Variants in DUSP12 observed in about 807,000 individuals in gnomAD.
DUSP12 encodes dual specificity protein phosphatase 12.
Under a neutral mutation model 38.9 loss-of-function variants are expected in DUSP12, and 25 were observed. The ratio of observed to expected loss-of-function variants is 0.64; its 90% CI spans 0.47 to 0.90. The LOEUF is 0.90. Among genes scored for constraint, DUSP12 ranks in the 40% least tolerant of loss-of-function variants. DUSP12 has a pLI of 0.00. For missense variants in DUSP12, 403 were observed against 427.0 expected, an observed-to-expected ratio of 0.94 and a Z score of 0.50; for synonymous variants, 153 against 153.9, an observed-to-expected ratio of 0.99 and a Z score of 0.05.
At position 161,749,873 on chromosome 1, in the gene DUSP12, C is replaced by T. The variant is rs1217501793; in HGVS notation, c.72C>T (p.Ala24=). ...SNPSASRVSC[A]GQMLEVQPGL... is the part of the protein sequence containing the mutation. ...CCAGCGCCAGCAGAGTCAGCTGTGC[C>T]GGGCAGATGCTGGAAGTGCAGCCAG... Residue 24 remains alanine, a synonymous_variant, in exon 1 of 6, where the codon GCC becomes GCT. Coordinates refer to ENST00000367943, the MANE Select transcript of DUSP12 (RefSeq NM_007240.3). 4 of 1,611,090 alleles carry T rather than the reference C, an allele frequency of 2.5e-6. No individual in the cohort carries two copies. The highest frequency in any genetic ancestry group is 2.2e-5 in the East Asian group (1 of 44,750).
rs540206625 is a variant in DUSP12 at position 161,752,483 on chromosome 1, T to G, written c.674+19T>G. The G allele has an allele frequency of 6.9e-7, 1 of 1,458,586 alleles. No individual in the cohort carries two copies. Among genetic ancestry groups the G allele is most frequent in the East Asian group, 2.3e-5 (1 of 43,918 alleles). The allele number at this position is 1,458,586 out of a possible 1,614,324, so 90.4% of individuals were successfully genotyped here. On this transcript the variant is annotated intron_variant, in intron 4 of 5. Transcript: ENST00000367943. ...AGTGCAGGTAAACTATTTTATATCC[T>G]TTGGATATTTTATCTTGTCTCAGTA...
At chr1:161,752,613 A>T in intron 4 of DUSP12, 149 bp downstream of exon 4, 1 of 599,370 alleles carries the variant, frequency 1.7e-6, no homozygotes, top group South Asian at 2.4e-5. Context: ...ATAAATTCTT[A>T]AAAAGAGAAA....
intron 4 of DUSP12, 103 bp downstream of exon 4, chr1:161,752,567 T>G: frequency 1.2e-6 from 1 of 800,618 alleles, no homozygotes; most frequent in Non-Finnish European, 2.0e-6. Flanking sequence ...TTTGTTTAAT[T>G]GAAATTTTTA....
At position 161,757,046 on chromosome 1, in the gene DUSP12, T is replaced by A; in HGVS notation, c.*99T>A. On this transcript the variant is annotated 3_prime_UTR_variant, in exon 6 of 6. Transcript: ENST00000367943. ...GATTGTTTGTGCTTTCAACATTTCA[T>A]TTGAAATGGGAGAAGATAAAATCAC... The A allele has an allele frequency of 2.6e-6, 3 of 1,166,156 alleles. No homozygotes were observed. The highest frequency in any genetic ancestry group is 2.4e-6 in the Non-Finnish European group (2 of 842,024). 72.2% of individuals were successfully genotyped at this position (1,166,156 alleles called of 1,614,324 possible). A position where few individuals can be genotyped will look rare whatever the true frequency, so the allele number is the denominator to read the frequency against.
At position 161,749,796 on chromosome 1, in the gene DUSP12, G is replaced by A. The variant is rs761009700; in HGVS notation, c.-6G>A. Reference sequence around the variant, plus strand: ...GCAGGAAGCCGCCTTGTCTCTGGGCGCGGCCATGTTGGAGGCTCCGGGCCC... The same window carrying A: ...GCAGGAAGCCGCCTTGTCTCTGGGCACGGCCATGTTGGAGGCTCCGGGCCC... On this transcript the variant is annotated 5_prime_UTR_variant, in exon 1 of 6. Transcript: ENST00000367943. 1.3e-6 allele frequency: 2 copies of A among 1,563,784 alleles called. No individual in the cohort carries two copies. Among genetic ancestry groups the A allele is most frequent in the Non-Finnish European group, 1.7e-6 (2 of 1,156,166 alleles).
At position 161,753,665 on chromosome 1, in the gene DUSP12, G is replaced by C. The variant is rs188848887; in HGVS notation, c.861+404G>C. On this transcript the variant is annotated intron_variant, in intron 5 of 5. Transcript: ENST00000367943. ...ACTTGAGCCCAGGGTTTCGAGACCAGCTTGGGCAATATAGTGAGACCTCAT... is the reference window on the plus strand; with the variant it reads ...ACTTGAGCCCAGGGTTTCGAGACCACCTTGGGCAATATAGTGAGACCTCAT... Among the ~76,000 whole-genome samples the C allele has an allele frequency of 1.3e-3, 192 of 151,838 alleles. 1 individual carries two copies. Among genetic ancestry groups the C allele is most frequent in the African/African-American group, 4.5e-3 (185 of 41,454 alleles).
intron 1 of DUSP12, among the ~76,000 whole-genome samples, chr1:161,750,795 C>G (rs994221058): frequency 3.9e-5 from 6 of 152,102 alleles, no homozygotes; most frequent in Non-Finnish European, 5.9e-5. Context: ...CGTGGTGGCT[C>G]TCGCCTGTAG....
rs1684022695 is a variant in DUSP12 at position 161,751,747 on chromosome 1, T to G, written c.424T>G (p.Tyr142Asp). 1 of 1,613,422 alleles carries G rather than the reference T, an allele frequency of 6.2e-7. No homozygotes were observed. The highest frequency in any genetic ancestry group is 8.5e-7 in the Non-Finnish European group (1 of 1,179,818). Residue 142 changes from tyrosine to aspartate, a missense_variant, in exon 2 of 6, where the codon TAT becomes GAT. Coordinates refer to ENST00000367943, the MANE Select transcript of DUSP12 (RefSeq NM_007240.3). ...KTDQLPFEKA[Y>D]EKLQILKPEA... is the part of the protein sequence containing the mutation. ...TGACCAACTTCCCTTTGAAAAAGCCTATGAAAAGCTCCAGATTCTCAAACC... is the reference window on the plus strand; with the variant it reads ...TGACCAACTTCCCTTTGAAAAAGCCGATGAAAAGCTCCAGATTCTCAAACC...
At position 161,752,375 on chromosome 1, in the gene DUSP12, G is replaced by C; in HGVS notation, c.585G>C (p.Gln195His). 1 of 1,606,890 alleles carries C rather than the reference G, an allele frequency of 6.2e-7. No individual in the cohort carries two copies. Among genetic ancestry groups the C allele is most frequent in the Non-Finnish European group, 8.5e-7 (1 of 1,174,840 alleles). The change falls in exon 4 of 6, where the codon CAG (glutamine) becomes CAC (histidine). Residue 195 changes from glutamine to histidine, a missense_variant. Physicochemically the swap from Gln to His is conservative, Grantham distance 24 (BLOSUM62 0). Transcript: ENST00000367943. Reference protein sequence around the residue: ...QKVTEKYPELQNLPQELFAVD... With the variant: ...QKVTEKYPELHNLPQELFAVD... ...TTTAATTATGTCATATAGAATTGCA[G>C]AATTTACCTCAAGAACTCTTTGCTG... is the stretch of plus-strand genomic sequence containing the variant.
rs777939600 is a variant in DUSP12 at position 161,750,064 on chromosome 1, C to T, written c.263C>T (p.Thr88Met). 8.7e-6 allele frequency: 14 copies of T among 1,613,996 alleles called. No individual in the cohort carries two copies. Among genetic ancestry groups the T allele is most frequent in the African/African-American group, 2.7e-5 (2 of 75,054 alleles). The stretch of plus-strand genomic sequence containing the variant: ...GTGCCAGCGCTGGACAAACCCGAGA[C>T]GGACCTACTCAGCCATCTGGACCGG... ...LFVPALDKPE[T>M]DLLSHLDRCV... The change falls in exon 1 of 6, where the codon ACG becomes ATG. Residue 88 changes from threonine to methionine, a missense_variant. Coordinates refer to ENST00000367943, the MANE Select transcript of DUSP12 (RefSeq NM_007240.3).
chr1:161,754,345 A>C (rs942517765), intron 5 of DUSP12, among the ~76,000 whole-genome samples: 2 of 152,200 alleles, frequency 1.3e-5, no homozygotes, highest in African/African-American at 4.8e-5. Flanking sequence ...TTTAAAAAAA[A>C]CAGCCTTATT....
Position 161,756,922 on chromosome 1 carries a change from T to G in DUSP12, c.998T>G (p.Leu333Trp). The G allele has an allele frequency of 6.2e-7, 1 of 1,612,134 alleles. No individual in the cohort carries two copies. ...RVDEMKILPV[L>W]GSQTGKI is the part of the protein sequence containing the mutation. Reference sequence around the variant, plus strand: ...GATGAAATGAAAATATTGCCTGTTTTGGGATCACAAACAGGAAAAATATGA... The same window carrying G: ...GATGAAATGAAAATATTGCCTGTTTGGGGATCACAAACAGGAAAAATATGA... The change falls in exon 6 of 6, where the codon TTG becomes TGG. Residue 333 changes from leucine to tryptophan, a missense_variant. Transcript: ENST00000367943.
chr1:161,754,314 T>C (rs892237703), intron 5 of DUSP12, among the ~76,000 whole-genome samples: 4 of 152,118 alleles, frequency 2.6e-5, no homozygotes, highest in African/African-American at 9.7e-5. Context: ...CAAACTCACA[T>C]TTTCGGATAA....
intron 5 of DUSP12, 194 bp downstream of exon 5, chr1:161,753,455 T>G (rs2101695470): frequency 8.2e-5 from 32 of 391,924 alleles, no homozygotes. Flanking sequence ...TCCAACATAG[T>G]GAACTACTTC....
chr1:161,750,225 C>G (rs1683994333), intron 1 of DUSP12, 80 bp downstream of exon 1: 1 of 1,483,278 alleles, frequency 6.7e-7, no homozygotes. Flanking sequence ...CCGAGGCCGT[C>G]GGGAGGACAA....
chr1:161,749,859 A>G lies in DUSP12; in HGVS notation c.58A>G (p.Arg20Gly). The G allele has an allele frequency of 6.2e-7, 1 of 1,608,550 alleles. No individual in the cohort carries two copies. The highest frequency in any genetic ancestry group is 2.2e-5 in the East Asian group (1 of 44,578). Residue 20 changes from arginine to glycine, a missense_variant, in exon 1 of 6, where the codon AGA becomes GGA. Arg to Gly is a moderately radical substitution (Grantham distance 125, BLOSUM62 -2). Coordinates refer to ENST00000367943, the MANE Select transcript of DUSP12 (RefSeq NM_007240.3). ...GCELSNPSAS[R>G]VSCAGQMLEV... is the part of the protein sequence containing the mutation. The stretch of plus-strand genomic sequence containing the variant: ...CGAGCTCAGCAACCCCAGCGCCAGC[A>G]GAGTCAGCTGTGCCGGGCAGATGCT...
At position 161,757,005 on chromosome 1, in the gene DUSP12, C is replaced by CT. The variant is rs1373447991; in HGVS notation, c.*60dup. 7 of 1,498,198 alleles carry CT rather than the reference C, an allele frequency of 4.7e-6. No individual in the cohort carries two copies. In the East Asian group the frequency reaches 1.4e-4, roughly 30 times the overall value. The allele number at this position is 1,498,198 out of a possible 1,614,324, so 92.8% of individuals were successfully genotyped here. A position where few individuals can be genotyped will look rare whatever the true frequency, so the allele number is the denominator to read the frequency against. On this transcript the variant is annotated 3_prime_UTR_variant, in exon 6 of 6. Coordinates refer to ENST00000367943, the MANE Select transcript of DUSP12 (RefSeq NM_007240.3). ...CAGATGATATGTGCTGCCTTTGCTT[C>CT]TTATCATTCATGGCAGATTGTTTGT...
In DUSP12 at chr1:161,752,410, C is replaced by T. The variant is rs1008088506; in HGVS notation, c.620C>T (p.Thr207Ile). 1.2e-6 allele frequency: 2 copies of T among 1,613,198 alleles called. No individual in the cohort carries two copies. The highest frequency in any genetic ancestry group is 2.2e-5 in the East Asian group (1 of 44,862). Reference sequence around the variant, plus strand: ...CAAGAACTCTTTGCTGTTGACCCAACTACCGTTTCACAAGGATTGAAAGAT... The same window carrying T: ...CAAGAACTCTTTGCTGTTGACCCAATTACCGTTTCACAAGGATTGAAAGAT... Reference protein sequence around the residue: ...LPQELFAVDPTTVSQGLKDEV... With the variant: ...LPQELFAVDPITVSQGLKDEV... Residue 207 changes from threonine (T) to isoleucine (I), a missense_variant, in exon 4 of 6, where the codon ACT (threonine) becomes ATT (isoleucine). Thr to Ile is a moderately conservative substitution (Grantham distance 89). Transcript: ENST00000367943.
chr1:161,752,290 A>T, intron 3 of DUSP12, 78 bp from the exon 4 acceptor site: 1 of 1,080,726 alleles, frequency 9.3e-7, no homozygotes, highest in Non-Finnish European at 1.4e-6. Context: ...TTGTTGCCTC[A>T]ATTTGACATT....
Sources: gnomAD v4.1 joint callset for allele counts (sites outside exome capture counted in the v4.1 genomes callset) on GRCh38, gnomAD v4.1.1 for gene constraint, MANE v1.5 for transcripts, NCBI Gene and HGNC (gene_info 2026-07-23, HGNC 2026-07-21) for gene names.